Variants in KPNA3 observed in about 807,000 individuals in gnomAD.
KPNA3 encodes the protein importin subunit alpha-4.
A neutral mutation model predicts 73.8 loss-of-function variants in KPNA3; 13 were observed. The observed-to-expected ratio is 0.18, with a 90% CI of 0.11 to 0.28. KPNA3 has a LOEUF of 0.28. KPNA3 is among the 10% of genes least tolerant of loss of function. The pLI is 1.00. For synonymous variants in KPNA3, 186 were observed against 206.9 expected, an observed-to-expected ratio of 0.90 and a Z score of 0.87; for missense variants, 360 against 618.1, an observed-to-expected ratio of 0.58 and a Z score of 4.43.
intron 9 of KPNA3, among the ~76,000 whole-genome samples, chr13:49,721,591 G>A (rs1954358887): frequency 6.6e-6 from 1 of 152,056 alleles, no homozygotes; most frequent in South Asian, 2.1e-4. Context: ...AGGCCGAGGC[G>A]GGCAGATCAC....
At chr13:49,779,048 T>G (rs1352162299) in intron 1 of KPNA3, among the ~76,000 whole-genome samples, 3 of 152,132 alleles carry the variant, frequency 2.0e-5, no homozygotes, top group Non-Finnish European at 2.9e-5. Context: ...TTTTCACATC[T>G]GTGAAAAAGG....
At chr13:49,768,947 T>G (rs1041458220) in intron 1 of KPNA3, among the ~76,000 whole-genome samples, 1 of 152,208 alleles carries the variant, frequency 6.6e-6, no homozygotes, top group Non-Finnish European at 1.5e-5. Flanking sequence ...CAAATAAGGT[T>G]GTGGTATTCT....
At chr13:49,788,679 G>A (rs569431465) in intron 1 of KPNA3, among the ~76,000 whole-genome samples, 4 of 150,270 alleles carry the variant, frequency 2.7e-5, no homozygotes, top group Non-Finnish European at 4.4e-5. Flanking sequence ...CCGAGATTGG[G>A]CCACTGCACT....
chr13:49,721,929 T>A (rs369234101), intron 9 of KPNA3, 26 bp downstream of exon 9: 1 of 1,461,144 alleles, frequency 6.8e-7, no homozygotes. Flanking sequence ...AAATATACCA[T>A]CTGGCCTTTA....
intron 1 of KPNA3, among the ~76,000 whole-genome samples, chr13:49,790,630 G>A (rs532974490): frequency 2.6e-5 from 4 of 152,336 alleles, no homozygotes; most frequent in African/African-American, 9.6e-5. Flanking sequence ...CCCGAGAAAT[G>A]TAATGTTGTG....
chr13:49,719,633 T>G (rs1954336897), intron 10 of KPNA3, 142 bp downstream of exon 10: 3 of 676,242 alleles, frequency 4.4e-6, no homozygotes, highest in South Asian at 3.5e-5. Context: ...TAAACCTAAT[T>G]TAAGCTTAAT....
intron 1 of KPNA3, among the ~76,000 whole-genome samples, chr13:49,767,657 G>C (rs1166346042): frequency 6.6e-6 from 1 of 152,038 alleles, no homozygotes; most frequent in African/African-American, 2.4e-5. Context: ...CTACACAATG[G>C]AAAGACCATA....
chr13:49,733,282 GTTTTTTT>G (rs760449062), intron 2 of KPNA3, among the ~76,000 whole-genome samples: 6 of 100,918 alleles, frequency 5.9e-5, no homozygotes, highest in East Asian at 2.8e-4. Context: ...CCACTGTGGT[GTTTTTTT>G]TTTTTTTTTT....
At chr13:49,740,566 T>C (rs1393090030) in intron 2 of KPNA3, among the ~76,000 whole-genome samples, 1 of 152,184 alleles carries the variant, frequency 6.6e-6, no homozygotes, top group African/African-American at 2.4e-5. Flanking sequence ...CAAGCTCTCT[T>C]GTCTGCTGTC....
chr13:49,746,015 A>G (rs1374360699), intron 2 of KPNA3, among the ~76,000 whole-genome samples: 6 of 147,610 alleles, frequency 4.1e-5, no homozygotes, highest in Non-Finnish European at 6.0e-5. Flanking sequence ...GTGAGTCGAG[A>G]TCACAGTACT....
At chr13:49,710,683 T>C (rs951095763) in intron 11 of KPNA3, among the ~76,000 whole-genome samples, 2 of 151,994 alleles carry the variant, frequency 1.3e-5, no homozygotes, top group Non-Finnish European at 2.9e-5. Flanking sequence ...GTATAAAGGG[T>C]CAAGAACAAT....
At chr13:49,747,555 C>T (rs747591133) in intron 1 of KPNA3, among the ~76,000 whole-genome samples, 11 of 152,124 alleles carry the variant, frequency 7.2e-5, no homozygotes, top group African/African-American at 9.7e-5. Flanking sequence ...TGCAGTAGCA[C>T]GCCCCTGTAC....
intron 1 of KPNA3, among the ~76,000 whole-genome samples, chr13:49,784,735 A>G (rs1954967889): frequency 6.6e-6 from 1 of 152,192 alleles, no homozygotes; most frequent in African/African-American, 2.4e-5. Flanking sequence ...TCAAAAATAC[A>G]CATGGGAAAA....
At chr13:49,709,398 C>CAAAAAA (rs386379154) in intron 12 of KPNA3, among the ~76,000 whole-genome samples, 174 bp downstream of exon 12, 1 of 97,648 alleles carries the variant, frequency 1.0e-5, no homozygotes, top group Non-Finnish European at 2.0e-5. Context: ...GACTCTGTCT[C>CAAAAAA]AAAAAAAAAA....
At position 49,771,680 on chromosome 13, in the gene KPNA3, C is replaced by A. The variant is rs143132786; in HGVS notation, c.69+20758G>T. On this transcript the variant is annotated intron_variant, in intron 1 of 16. Coordinates refer to ENST00000261667, the MANE Select transcript of KPNA3 (RefSeq NM_002267.4). ...TCACTCTGTTGCTTATTTAGTCTCA[C>A]CCAGGCTGGAGGCTCTACTGCTCAT... 4.5e-3 allele frequency among the ~76,000 whole-genome samples: 678 copies of A among 152,246 alleles called. 7 individuals are homozygous for A. Among genetic ancestry groups the A allele is most frequent in the Middle Eastern group, 0.027 (8 of 294 alleles).
At chr13:49,707,229 A>G (rs892337547) in intron 12 of KPNA3, among the ~76,000 whole-genome samples, 6 of 152,224 alleles carry the variant, frequency 3.9e-5, no homozygotes, top group Non-Finnish European at 8.8e-5. Flanking sequence ...TAAGGGATTT[A>G]TAAGTCATAA....
chr13:49,750,818 C>A (rs1252047907), intron 1 of KPNA3, among the ~76,000 whole-genome samples: 2 of 152,004 alleles, frequency 1.3e-5, no homozygotes, highest in South Asian at 2.1e-4. Flanking sequence ...ATGGTGAAAC[C>A]CCATCTCTAC....
intron 1 of KPNA3, among the ~76,000 whole-genome samples, chr13:49,747,490 G>C (rs1052572034): frequency 2.6e-5 from 4 of 152,168 alleles, no homozygotes; most frequent in African/African-American, 9.7e-5. Context: ...TTCGAGATCA[G>C]CCTGGCCAAC....
intron 10 of KPNA3, among the ~76,000 whole-genome samples, chr13:49,718,420 C>T (rs1014314783): frequency 6.6e-6 from 1 of 152,178 alleles, no homozygotes; most frequent in African/African-American, 2.4e-5. Flanking sequence ...TACACTGCCA[C>T]TTTAATACCC....
Sources: allele counts gnomAD v4.1 joint callset (sites outside exome capture counted in the v4.1 genomes callset), GRCh38; gene constraint gnomAD v4.1.1; transcripts MANE v1.5; gene names NCBI Gene and HGNC (gene_info 2026-07-23, HGNC 2026-07-21).